Variants in HGF observed in about 807,000 individuals in gnomAD.
HGF encodes the protein hepatocyte growth factor, also known as fibroblast-derived tumor cytotoxic factor.
A neutral mutation model predicts 111.6 loss-of-function variants in HGF; 39 were observed. The ratio of observed to expected loss-of-function variants is 0.35; its 90% confidence interval spans 0.27 to 0.46. The LOEUF is 0.46. HGF is among the 20% of genes least tolerant of loss of function. The pLI, the probability that HGF is intolerant of heterozygous loss-of-function variation, is 1.00. For synonymous variants in HGF, 285 were observed against 294.8 expected (o/e 0.97, Z 0.34); for missense variants, 735 against 910.5 (o/e 0.81, Z 2.48).
chr7:81,708,992 T>A (rs1789502808), intron 13 of HGF, among the ~76,000 whole-genome samples: 2 of 152,138 alleles, frequency 1.3e-5, no homozygotes, highest in South Asian at 4.1e-4. Flanking sequence ...AACATTGTGG[T>A]CATCTAAAGT....
At chr7:81,727,265 A>G (rs558078398) in intron 8 of HGF, among the ~76,000 whole-genome samples, 1 of 151,642 alleles carries the variant, frequency 6.6e-6, no homozygotes, top group Non-Finnish European at 1.5e-5. Context: ...GGATGGTCTC[A>G]ATCTCCTGAC....
intron 7 of HGF, among the ~76,000 whole-genome samples, chr7:81,732,895 A>G (rs1787713023): frequency 2.0e-5 from 3 of 152,204 alleles, no homozygotes; most frequent in South Asian, 4.1e-4. Flanking sequence ...TTTAAAATAT[A>G]CAGGAAAATA....
intron 9 of HGF, among the ~76,000 whole-genome samples, 175 bp from the exon 10 acceptor site, chr7:81,721,022 C>G (rs889887811): frequency 2.0e-5 from 3 of 152,136 alleles, no homozygotes; most frequent in Non-Finnish European, 2.9e-5. Context: ...AAGGCGGGCC[C>G]ATCACGAGGT....
intron 7 of HGF, among the ~76,000 whole-genome samples, chr7:81,740,066 A>G (rs1787956356): frequency 6.6e-6 from 1 of 152,120 alleles, no homozygotes; most frequent in Non-Finnish European, 1.5e-5. Context: ...AATTGCAACC[A>G]TTTGCTAAGA....
chr7:81,711,532 A>ATTG lies in HGF; in HGVS notation c.1406-14_1406-13insCAA. 1 of 1,243,776 alleles carries ATTG rather than the reference A, an allele frequency of 8.0e-7. No individual in the cohort carries two copies. Among genetic ancestry groups the ATTG allele is most frequent in the South Asian group, 1.3e-5 (1 of 78,020 alleles). 77.0% of individuals were successfully genotyped at this position (1,243,776 alleles called of 1,614,324 possible). ...GTATCACCTTCACCTGTAAAAATAA[A>ATTG]TGTATAGATAAATACACAATTCATA... On this transcript the variant is annotated splice_polypyrimidine_tract_variant and intron_variant, in intron 11 of 17. Transcript: ENST00000222390.
rs1211770974 is a variant in HGF at position 81,699,430 on chromosome 7, G to A, written c.*3151C>T. 6.6e-6 allele frequency: 1 copy of A among 151,508 alleles called. No homozygotes were observed. The highest frequency in any genetic ancestry group is 1.5e-5 in the Non-Finnish European group (1 of 67,654). The allele number at this position is 151,508 out of a possible 1,614,324, so 9.4% of individuals were successfully genotyped here. On this transcript the variant is annotated 3_prime_UTR_variant, in exon 18 of 18. Coordinates refer to ENST00000222390, the MANE Select transcript of HGF (RefSeq NM_000601.6). ...TAAAATTATGTATTTTAAAAACAAA[G>A]GCCATGTACTTTTACCAAAATTAGT... is the stretch of plus-strand genomic sequence containing the variant.
chr7:81,742,848 A>G, intron 7 of HGF: 1 of 1,592,344 alleles, frequency 6.3e-7, no homozygotes, highest in Non-Finnish European at 8.6e-7. Context: ...TAAAGATTAG[A>G]GACATCTGTG....
In HGF at chr7:81,743,384, G is replaced by A; in HGVS notation, c.834C>T (p.Thr278=). 6.2e-7 allele frequency: 1 copy of A among 1,611,200 alleles called. No individual in the cohort carries two copies. The highest frequency in any genetic ancestry group is 8.5e-7 in the Non-Finnish European group (1 of 1,177,352). ...RPWCYTLDPH[T]RWEYCAIKTC... Reference sequence around the variant, plus strand: ...TTTTAATTGCACAGTACTCCCAGCGGGTGTGAGGGTCAAGAGTATAGCACC... The same window carrying A: ...TTTTAATTGCACAGTACTCCCAGCGAGTGTGAGGGTCAAGAGTATAGCACC... Residue 278 remains threonine, a synonymous_variant, in exon 7 of 18, where the codon ACC becomes ACT. Coordinates refer to ENST00000222390, the MANE Select transcript of HGF (RefSeq NM_000601.6).
At chr7:81,755,928 G>A in intron 4 of HGF, 1 of 683,890 alleles carries the variant, frequency 1.5e-6, no homozygotes, top group Admixed American at 2.1e-5. Flanking sequence ...TCCCAGTGTG[G>A]AGCAACAAAC....
rs1320478656 is a variant in HGF at position 81,699,467 on chromosome 7, A to G, written c.*3114T>C. On this transcript the variant is annotated 3_prime_UTR_variant, in exon 18 of 18. Transcript: ENST00000222390. ...TTACCAAAATTAGTTTTATTTTTTA[A>G]ATGAGTTTGCCTATATGTATGGGAT... The G allele has an allele frequency of 6.6e-6, 1 of 151,650 alleles. No homozygotes were observed. Among genetic ancestry groups the G allele is most frequent in the African/African-American group, 2.4e-5 (1 of 41,392 alleles). 9.4% of individuals were successfully genotyped at this position (151,650 alleles called of 1,614,324 possible).
At chr7:81,702,927 C>T (rs1371243081) in intron 17 of HGF, among the ~76,000 whole-genome samples, 170 bp from the exon 18 acceptor site, 1 of 151,638 alleles carries the variant, frequency 6.6e-6, no homozygotes, top group Non-Finnish European at 1.5e-5. Context: ...TGACTTTCTA[C>T]TGAATTAGCC....
At chr7:81,749,713 C>T (rs548051723) in intron 5 of HGF, among the ~76,000 whole-genome samples, 68 of 151,844 alleles carry the variant, frequency 4.5e-4, no homozygotes, top group East Asian at 2.1e-3. Flanking sequence ...ATGTGATAGA[C>T]GAATATTTGT....
chr7:81,711,871 T>C lies in HGF; in HGVS notation c.1406-352A>G, dbSNP rs554135952. Among the ~76,000 whole-genome samples, 10 of 152,310 alleles carry C rather than the reference T, an allele frequency of 6.6e-5. No homozygotes were observed. The East Asian group carries it at 1.2e-3, about 18-fold the overall frequency. On this transcript the variant is annotated intron_variant, in intron 11 of 17. Transcript: ENST00000222390. The stretch of plus-strand genomic sequence containing the variant: ...GTGGGCCAGGCTGGTCTCAAACTCC[T>C]GACCTCAAATGATCCACCTGCCTCA...
chr7:81,735,923 C>T (rs1787809987), intron 7 of HGF, among the ~76,000 whole-genome samples: 1 of 151,934 alleles, frequency 6.6e-6, no homozygotes, highest in African/African-American at 2.4e-5. Context: ...ATAAGGCCTC[C>T]GATCCTACCA....
rs150289405 is a variant in HGF at position 81,738,283 on chromosome 7, A to G, written c.865+5070T>C. Among the ~76,000 whole-genome samples the G allele has an allele frequency of 2.6e-4, 39 of 152,278 alleles. 1 individual carries two copies. The East Asian group carries it at 7.1e-3, about 28-fold the overall frequency. ...ACATTATTATTTGTCTCTGAAAAGC[A>G]GGAAACTAATATATAGAACCAACTG... is the stretch of plus-strand genomic sequence containing the variant. On this transcript the variant is annotated intron_variant, in intron 7 of 17. Coordinates refer to ENST00000222390, the MANE Select transcript of HGF (RefSeq NM_000601.6).
intron 10 of HGF, among the ~76,000 whole-genome samples, chr7:81,720,211 G>T (rs2115865567): frequency 6.6e-6 from 1 of 152,126 alleles, no homozygotes; most frequent in Admixed American, 6.5e-5. Flanking sequence ...AAAATTTTAT[G>T]TATCAAAGCT....
intron 11 of HGF, 34 bp downstream of exon 11, chr7:81,717,198 A>G: frequency 6.2e-7 from 1 of 1,603,108 alleles, no homozygotes; most frequent in Non-Finnish European, 8.5e-7. Context: ...CATTTAAAAT[A>G]TTTCACAAGA....
chr7:81,762,809 AT>A lies in HGF; in HGVS notation c.151del (p.Ile51SerfsTer3). ...TATCTTCAGTGCTGGATCTATTTTGATTAGGGTAGTCTTTGCTGATTTTTTG... is the reference window on the plus strand; with the variant it reads ...TATCTTCAGTGCTGGATCTATTTTGATAGGGTAGTCTTTGCTGATTTTTTG... Reference protein sequence around the residue: ...EFKKSAKTTLIKIDPALKIKT... With the variant: ...EFKKSAKTTLXKIDPALKIKT... On this transcript the variant is annotated frameshift_variant, in exon 2 of 18. Coordinates refer to ENST00000222390, the MANE Select transcript of HGF (RefSeq NM_000601.6). LOFTEE classifies it high-confidence loss of function. 1 of 1,602,596 alleles carries A rather than the reference AT, an allele frequency of 6.2e-7. No individual in the cohort carries two copies.
intron 2 of HGF, 144 bp downstream of exon 2, chr7:81,762,563 C>A: frequency 1.4e-6 from 1 of 704,784 alleles, no homozygotes. Context: ...AGAGCTAAGT[C>A]TTCGTTTGTA....
Sources: allele counts gnomAD v4.1 joint callset (sites outside exome capture counted in the v4.1 genomes callset), GRCh38; gene constraint gnomAD v4.1.1; transcripts MANE v1.5; gene names NCBI Gene and HGNC (gene_info 2026-07-23, HGNC 2026-07-21).